The following GBE1 variants were observed in gnomAD, a reference collection of about 807,000 sequenced individuals.
The protein encoded by GBE1 is 1,4-alpha-glucan branching enzyme 1.
In GBE1, 70 loss-of-function variants were observed where a neutral mutation model predicts 88.8. The observed-to-expected ratio is 0.79, with a 90% CI of 0.65 to 0.96. The LOEUF (loss-of-function observed/expected upper bound fraction) is 0.96, where lower values mean the gene tolerates loss of function less well. Ranked by LOEUF, GBE1 falls within the 40% of genes least tolerant of loss-of-function variation. GBE1 has a pLI of 0.00. For synonymous variants in GBE1, 284 were observed against 300.1 expected (o/e 0.95, Z 0.56); for missense variants, 872 against 871.0 (o/e 1.00, Z -0.01).
At chr3:81,745,106 T>C (rs979487592) in intron 1 of GBE1, among the ~76,000 whole-genome samples, 2 of 152,190 alleles carry the variant, frequency 1.3e-5, no homozygotes, top group East Asian at 3.8e-4. Flanking sequence ...TCTGCTATCA[T>C]ATAGAAAAGT....
In GBE1 at chr3:81,692,424, A is replaced by G. The variant is rs140248266; in HGVS notation, c.313+13020T>C. Among the ~76,000 whole-genome samples, 404 of 152,318 alleles carry G rather than the reference A, an allele frequency of 2.7e-3. 2 individuals are homozygous for G. In the Middle Eastern group the frequency reaches 0.031, roughly 12 times the overall value. On this transcript the variant is annotated intron_variant, in intron 2 of 15. Coordinates refer to ENST00000429644, the MANE Select transcript of GBE1 (RefSeq NM_000158.4). Reference sequence around the variant, plus strand: ...AGAACAATGTCCATTGGGCAGTATTATGAATAAGGACCTACCCCATCAGGT... The same window carrying G: ...AGAACAATGTCCATTGGGCAGTATTGTGAATAAGGACCTACCCCATCAGGT...
chr3:81,501,817 C>G (rs1225381799), intron 14 of GBE1, among the ~76,000 whole-genome samples: 1 of 149,910 alleles, frequency 6.7e-6, no homozygotes, highest in African/African-American at 2.5e-5. Flanking sequence ...CCCACCTCAG[C>G]CTCTCAAGTA....
Position 81,704,053 on chromosome 3 carries a change from C to T in GBE1, c.313+1391G>A, listed in dbSNP as rs534385813. On this transcript the variant is annotated intron_variant, in intron 2 of 15. Coordinates refer to ENST00000429644, the MANE Select transcript of GBE1 (RefSeq NM_000158.4). ...TGAAAACTTACCATCTTAATTAAGACTTGCTGTACCCAGATTTCAAAGATG... is the reference window on the plus strand; with the variant it reads ...TGAAAACTTACCATCTTAATTAAGATTTGCTGTACCCAGATTTCAAAGATG... Among the ~76,000 whole-genome samples the T allele has an allele frequency of 2.6e-4, 39 of 152,016 alleles. 1 individual carries two copies. In the South Asian group the frequency reaches 7.7e-3, roughly 30 times the overall value.
At chr3:81,620,685 T>C (rs1704316418) in intron 7 of GBE1, among the ~76,000 whole-genome samples, 1 of 152,102 alleles carries the variant, frequency 6.6e-6, no homozygotes, top group Admixed American at 6.6e-5. Flanking sequence ...TTGGGAAGTG[T>C]AATTTATACA....
chr3:81,578,689 T>C (rs566017859), intron 11 of GBE1, among the ~76,000 whole-genome samples: 1 of 152,066 alleles, frequency 6.6e-6, no homozygotes, highest in African/African-American at 2.4e-5. Flanking sequence ...TACCTGAAAA[T>C]ATAATAATTA....
intron 1 of GBE1, among the ~76,000 whole-genome samples, chr3:81,736,047 G>A (rs556586044): frequency 3.3e-5 from 5 of 152,056 alleles, no homozygotes; most frequent in Non-Finnish European, 5.9e-5. Flanking sequence ...AAAGCCCTTT[G>A]CCACTCCAGA....
chr3:81,642,010 T>C (rs1001513597), intron 7 of GBE1, among the ~76,000 whole-genome samples: 11 of 151,196 alleles, frequency 7.3e-5, no homozygotes, highest in African/African-American at 2.7e-4. Flanking sequence ...GCTTTTAATA[T>C]GCTTGACATT....
intron 1 of GBE1, among the ~76,000 whole-genome samples, chr3:81,721,232 T>TAAAAAATAAAA (rs1324981448): frequency 9.9e-6 from 1 of 101,254 alleles, no homozygotes; most frequent in African/African-American, 4.8e-5. Flanking sequence ...AATAAATAAA[T>TAAAAAATAAAA]AAAAACACAT....
At chr3:81,619,953 A>T (rs1024766193) in intron 7 of GBE1, among the ~76,000 whole-genome samples, 6 of 152,058 alleles carry the variant, frequency 3.9e-5, no homozygotes, top group African/African-American at 1.4e-4. Context: ...TAGCATTAAA[A>T]TGTCATCACC....
intron 9 of GBE1, among the ~76,000 whole-genome samples, 177 bp from the exon 10 acceptor site, chr3:81,586,367 A>T (rs558852931): frequency 6.6e-6 from 1 of 152,302 alleles, no homozygotes; most frequent in East Asian, 1.9e-4. Flanking sequence ...ATTTTTGCTT[A>T]ATGTTTTCAC....
intron 1 of GBE1, among the ~76,000 whole-genome samples, chr3:81,728,153 AC>A (rs1261655496): frequency 1.3e-5 from 2 of 152,120 alleles, no homozygotes; most frequent in Admixed American, 6.6e-5. Flanking sequence ...GGTAAAAAAA[AC>A]GATGTCAAAC....
chr3:81,692,565 C>T (rs1705537231), intron 2 of GBE1, among the ~76,000 whole-genome samples: 2 of 152,118 alleles, frequency 1.3e-5, no homozygotes, highest in South Asian at 2.1e-4. Flanking sequence ...AGTTTGGTAA[C>T]GTTCTCCATC....
intron 2 of GBE1, among the ~76,000 whole-genome samples, chr3:81,699,855 G>C (rs1381949410): frequency 6.6e-6 from 1 of 152,180 alleles, no homozygotes; most frequent in African/African-American, 2.4e-5. Flanking sequence ...TTGACACTCA[G>C]TATTAACCAT....
intron 1 of GBE1, among the ~76,000 whole-genome samples, chr3:81,727,898 C>T (rs1706134683): frequency 6.6e-6 from 1 of 152,112 alleles, no homozygotes; most frequent in African/African-American, 2.4e-5. Context: ...CCTTCTTTCT[C>T]TAAAACTGAC....
chr3:81,701,057 C>T (rs1387257695), intron 2 of GBE1, among the ~76,000 whole-genome samples: 1 of 152,144 alleles, frequency 6.6e-6, no homozygotes, highest in African/African-American at 2.4e-5. Context: ...AGAACCAAAA[C>T]TCCAAGTGTA....
intron 15 of GBE1, among the ~76,000 whole-genome samples, chr3:81,494,465 A>T (rs1702476784): frequency 6.6e-6 from 1 of 152,180 alleles, no homozygotes; most frequent in Admixed American, 6.5e-5. Flanking sequence ...ATTTAAGTAG[A>T]TTTAAACACA....
At chr3:81,653,043 G>C (rs1704873358) in intron 3 of GBE1, among the ~76,000 whole-genome samples, 1 of 152,182 alleles carries the variant, frequency 6.6e-6, no homozygotes, top group South Asian at 2.1e-4. Flanking sequence ...AATAAGTCTG[G>C]TAGCTAATGT....
At chr3:81,655,055 C>T (rs1704912208) in intron 3 of GBE1, 1 of 152,058 alleles carries the variant, frequency 6.6e-6, no homozygotes, top group Non-Finnish European at 1.5e-5. Flanking sequence ...CTGAGCAGTA[C>T]CTATTTATCA....
chr3:81,561,495 T>A (rs979932972), intron 12 of GBE1, among the ~76,000 whole-genome samples: 20 of 152,056 alleles, frequency 1.3e-4, no homozygotes, highest in African/African-American at 4.1e-4. Context: ...CTTATTTTTT[T>A]AAAAAAATGA....
Sources: allele counts gnomAD v4.1 joint callset (sites outside exome capture counted in the v4.1 genomes callset), GRCh38; gene constraint gnomAD v4.1.1; transcripts MANE v1.5; gene names NCBI Gene and HGNC (gene_info 2026-07-23, HGNC 2026-07-21).